Variants in TBX20 observed in about 807,000 individuals in gnomAD.
The protein encoded by TBX20 is T-box transcription factor TBX20.
A neutral mutation model predicts 42.9 loss-of-function variants in TBX20; 8 were observed. The observed-to-expected ratio is 0.19, with a 90% CI of 0.11 to 0.34. TBX20 has a LOEUF of 0.34. Ranked by LOEUF, TBX20 falls within the 10% of genes least tolerant of loss-of-function variation. TBX20 has a pLI of 1.00. For synonymous variants in TBX20, 198 were observed against 222.8 expected, an observed-to-expected ratio of 0.89 and a Z score of 0.99; for missense variants, 411 against 566.0, an observed-to-expected ratio of 0.73 and a Z score of 2.78.
At chr7:35,225,596 G>T (rs1259874164) in intron 6 of TBX20, among the ~76,000 whole-genome samples, 1 of 152,162 alleles carries the variant, frequency 6.6e-6, no homozygotes, top group Non-Finnish European at 1.5e-5. Flanking sequence ...CTCGAAAATG[G>T]CAAAGTGCTA....
At chr7:35,213,827 T>C (rs1789536161) in intron 6 of TBX20, among the ~76,000 whole-genome samples, 1 of 128,594 alleles carries the variant, frequency 7.8e-6, no homozygotes, top group Non-Finnish European at 1.6e-5. Flanking sequence ...ACTCATTCAT[T>C]GACAAAGAAG....
chr7:35,225,306 C>T lies in TBX20; in HGVS notation c.890+6198G>A, dbSNP rs181605121. Among the ~76,000 whole-genome samples the T allele has an allele frequency of 2.1e-3, 325 of 151,930 alleles. 6 individuals carry two copies. The highest frequency in any genetic ancestry group is 7.5e-3 in the African/African-American group (309 of 41,416). ...ATGTAATTTTAGATACGCCCAGTTG[C>T]CACATTAAAAAAAATACAAAAATAT... On this transcript the variant is annotated intron_variant, in intron 6 of 7. Coordinates refer to ENST00000408931, the MANE Select transcript of TBX20 (RefSeq NM_001077653.2).
chr7:35,223,226 G>C (rs1264306054), intron 6 of TBX20, among the ~76,000 whole-genome samples: 6 of 152,248 alleles, frequency 3.9e-5, no homozygotes, highest in African/African-American at 1.4e-4. Context: ...GATGGGAACA[G>C]TAAGGGAAGA....
chr7:35,244,329 C>T (rs1168473988), intron 4 of TBX20, among the ~76,000 whole-genome samples: 1 of 151,980 alleles, frequency 6.6e-6, no homozygotes, highest in Non-Finnish European at 1.5e-5. Context: ...TTTCTTTTTT[C>T]CACATTTTCA....
At chr7:35,220,357 A>G (rs1789659387) in intron 6 of TBX20, among the ~76,000 whole-genome samples, 1 of 152,204 alleles carries the variant, frequency 6.6e-6, no homozygotes, top group African/African-American at 2.4e-5. Flanking sequence ...TATTTGGCAC[A>G]CTGAACAGTG....
At chr7:35,208,301 G>A (rs551508951) in intron 6 of TBX20, among the ~76,000 whole-genome samples, 3 of 152,224 alleles carry the variant, frequency 2.0e-5, no homozygotes, top group East Asian at 3.9e-4. Context: ...TTGTTCTAGT[G>A]GGTTTTGGAG....
rs561673807 is a variant in TBX20 at position 35,229,848 on chromosome 7, T to C, written c.890+1656A>G. Among the ~76,000 whole-genome samples the C allele has an allele frequency of 3.3e-4, 51 of 152,304 alleles. 1 individual carries two copies. The highest frequency in any genetic ancestry group is 1.2e-3 in the African/African-American group (51 of 41,586). On this transcript the variant is annotated intron_variant, in intron 6 of 7. Transcript: ENST00000408931. ...AAATGCTGTCATAAATGCCAGCTTA[T>C]TTGATTCTCAGAATAAACCTCTGAG... is the stretch of plus-strand genomic sequence containing the variant.
At chr7:35,244,873 C>T in intron 4 of TBX20, 76 bp downstream of exon 4, 1 of 1,033,580 alleles carries the variant, frequency 9.7e-7, no homozygotes, top group Non-Finnish European at 1.5e-6. Context: ...CAGGAAGGGA[C>T]TCAGAGAGAG....
At chr7:35,240,190 A>C (rs1790048453) in intron 5 of TBX20, among the ~76,000 whole-genome samples, 1 of 152,228 alleles carries the variant, frequency 6.6e-6, no homozygotes, top group Admixed American at 6.5e-5. Context: ...TTATGCTTAC[A>C]GGTTAAGCAT....
At chr7:35,236,128 G>T (rs2128714041) in intron 5 of TBX20, among the ~76,000 whole-genome samples, 1 of 152,168 alleles carries the variant, frequency 6.6e-6, no homozygotes, top group East Asian at 1.9e-4. Flanking sequence ...CAAATAAAAG[G>T]TCCTACTTTC....
intron 1 of TBX20, among the ~76,000 whole-genome samples, chr7:35,252,133 A>G (rs1236446328): frequency 6.6e-6 from 1 of 152,228 alleles, no homozygotes; most frequent in South Asian, 2.1e-4. Flanking sequence ...TGCTGTCTAC[A>G]CTTCTGTCGG....
In TBX20 at chr7:35,202,462, G is replaced by A. The variant is rs754183380; in HGVS notation, c.1312C>T (p.His438Tyr). 6.9e-6 allele frequency: 11 copies of A among 1,603,168 alleles called. No individual in the cohort carries two copies. The highest frequency in any genetic ancestry group is 9.4e-6 in the Non-Finnish European group (11 of 1,175,100). ...AATGGCGTCATCACAGCAGAGGAAT[G>A]GCGTAGTCCTTGAATGGCAGCATAG... ...GPYAAIQGLR[H>Y]SSAVMTPFV is the part of the protein sequence containing the mutation. Residue 438 changes from histidine to tyrosine, a missense_variant, in exon 8 of 8, where the codon CAT becomes TAT. Coordinates refer to ENST00000408931, the MANE Select transcript of TBX20 (RefSeq NM_001077653.2).
intron 5 of TBX20, among the ~76,000 whole-genome samples, chr7:35,239,731 ATTAAT>A (rs993285335): frequency 1.3e-4 from 20 of 151,984 alleles, no homozygotes; most frequent in Non-Finnish European, 1.9e-4. Context: ...GAAGAAATGC[ATTAAT>A]TTAAGTTTTT....
chr7:35,252,722 C>T (rs1274446657), intron 1 of TBX20, among the ~76,000 whole-genome samples: 1 of 152,080 alleles, frequency 6.6e-6, no homozygotes, highest in Non-Finnish European at 1.5e-5. Flanking sequence ...CTTCTTTTTC[C>T]CTCAGTTGTA....
intron 6 of TBX20, among the ~76,000 whole-genome samples, chr7:35,229,190 G>A (rs1019645098): frequency 1.3e-5 from 2 of 152,072 alleles, no homozygotes; most frequent in African/African-American, 2.4e-5. Context: ...TTAGAAAAGT[G>A]CAATATCTGT....
At chr7:35,228,702 T>A (rs1180132803) in intron 6 of TBX20, among the ~76,000 whole-genome samples, 1 of 152,124 alleles carries the variant, frequency 6.6e-6, no homozygotes, top group Non-Finnish European at 1.5e-5. Flanking sequence ...TGAATGACTG[T>A]CTAAAGCTTG....
chr7:35,234,936 T>A (rs1424670591), intron 5 of TBX20, among the ~76,000 whole-genome samples: 2 of 152,110 alleles, frequency 1.3e-5, no homozygotes, highest in Non-Finnish European at 2.9e-5. Context: ...GCCCACCATG[T>A]TCCTTGTAGC....
intron 4 of TBX20, among the ~76,000 whole-genome samples, chr7:35,241,710 T>C (rs1171746228): frequency 2.6e-5 from 4 of 152,210 alleles, no homozygotes; most frequent in Non-Finnish European, 5.9e-5. Context: ...CTTCTAGTTA[T>C]TAAACCAAAC....
rs145221432 is a variant in TBX20, at chr7:35,203,032, C to G, written c.1004-262G>C. Among the ~76,000 whole-genome samples the G allele has an allele frequency of 6.7e-3, 1,022 of 152,092 alleles. 17 individuals carry two copies. The highest frequency in any genetic ancestry group is 0.024 in the African/African-American group (980 of 41,472). ...AGCCTGTACACTCCCACAGACTGGC[C>G]AAAACATTAATACCCTGCCTGCAGG... On this transcript the variant is annotated intron_variant, in intron 7 of 7. Coordinates refer to ENST00000408931, the MANE Select transcript of TBX20 (RefSeq NM_001077653.2).
Sources: allele counts gnomAD v4.1 joint callset (sites outside exome capture counted in the v4.1 genomes callset), GRCh38; gene constraint gnomAD v4.1.1; transcripts MANE v1.5; gene names NCBI Gene and HGNC (gene_info 2026-07-23, HGNC 2026-07-21).